Variants in FBXL19 observed in about 807,000 individuals in gnomAD.
FBXL19 encodes the protein F-box/LRR-repeat protein 19.
FBXL19 carries 16 observed loss-of-function variants against 71.2 expected under a neutral mutation model. The ratio of observed to expected loss-of-function variants is 0.22; its 90% confidence interval spans 0.15 to 0.34. The LOEUF is 0.34. Among genes scored for constraint, FBXL19 ranks in the 10% least tolerant of loss-of-function variants. The probability of loss-of-function intolerance (pLI) is 1.00; values close to 1 mark genes in which losing one functional copy is unlikely to be tolerated. For synonymous variants in FBXL19, 447 were observed against 409.4 expected, an observed-to-expected ratio of 1.09 and a Z score of -1.11; for missense variants, 658 against 968.2, an observed-to-expected ratio of 0.68 and a Z score of 4.25.
In FBXL19 at chr16:30,942,379, G is replaced by C. The variant is rs572211156; in HGVS notation, c.1470G>C (p.Leu490=). ...CTGACTGCCCCCTCTCCGCAGGCCT[G>C]CAGGAGCTGGTGCTCTCTGGCTGCT... ...LMWLLNRLQG[L]QELVLSGCSW... is the part of the protein sequence containing the mutation. The change falls in exon 9 of 11, where the codon CTG becomes CTC. Residue 490 remains leucine (L), a synonymous_variant. Transcript: ENST00000338343. The surrounding 1 kb of genome is among the most constrained non-coding windows in gnomAD (Gnocchi z 5.7). 1.1e-5 allele frequency: 17 copies of C among 1,609,648 alleles called. No individual in the cohort carries two copies. In the East Asian group the frequency reaches 3.1e-4, roughly 30 times the overall value.
At position 30,935,654 on chromosome 16, in the gene FBXL19, G is replaced by A. The variant is rs146540490; in HGVS notation, c.1301+5070G>A. On this transcript the variant is annotated intron_variant, in intron 7 of 10. Coordinates refer to ENST00000338343, the MANE Select transcript of FBXL19 (RefSeq NM_001382779.1). The stretch of plus-strand genomic sequence containing the variant: ...GGGGCCCAGAGAGCTACAAGAGGTC[G>A]GAACTGGCAGTGCTTGGAGCCCTAG... Among the ~76,000 whole-genome samples, 19 of 152,198 alleles carry A rather than the reference G, an allele frequency of 1.2e-4. No homozygotes were observed. In the South Asian group the frequency reaches 1.9e-3, roughly 15 times the overall value.
Position 30,930,688 on chromosome 16 carries a change from G to A in FBXL19, c.1301+104G>A. The A allele has an allele frequency of 1.6e-6, 2 of 1,244,246 alleles. No individual in the cohort carries two copies. Among genetic ancestry groups the A allele is most frequent in the Non-Finnish European group, 2.1e-6 (2 of 952,136 alleles). The allele number at this position is 1,244,246 out of a possible 1,614,324, so 77.1% of individuals were successfully genotyped here. On this transcript the variant is annotated intron_variant, in intron 7 of 10. Transcript: ENST00000338343. The surrounding 1 kb of genome is among the most constrained non-coding windows in gnomAD (Gnocchi z 8.5). ...CCTCTCTGGGCCTTGCTTTTATATTGGGGATACTTCTCTAGTATGCACAGA... is the reference window on the plus strand; with the variant it reads ...CCTCTCTGGGCCTTGCTTTTATATTAGGGATACTTCTCTAGTATGCACAGA...
In FBXL19 at chr16:30,923,763, T is replaced by A. The variant is rs2143294049; in HGVS notation, c.-721T>A. The stretch of plus-strand genomic sequence containing the variant: ...GAGGGGGATTTATTCAAATTTTATT[T>A]AAATCCCTATCTCCCGAGGGTCGCG... On this transcript the variant is annotated 5_prime_UTR_variant, in exon 1 of 11. Transcript: ENST00000338343. Among the ~76,000 whole-genome samples the A allele has an allele frequency of 7.1e-6, 1 of 141,028 alleles. No homozygotes were observed. Among genetic ancestry groups the A allele is most frequent in the Non-Finnish European group, 1.5e-5 (1 of 65,442 alleles). The allele number at this position is 141,028 out of a possible 152,430, so 92.5% of individuals were successfully genotyped here.
Position 30,930,022 on chromosome 16 carries a change from G to T in FBXL19, c.790-51G>T. 1 of 1,567,730 alleles carries T rather than the reference G, an allele frequency of 6.4e-7. No individual in the cohort carries two copies. Among genetic ancestry groups the T allele is most frequent in the Non-Finnish European group, 8.7e-7 (1 of 1,154,964 alleles). On this transcript the variant is annotated intron_variant, in intron 6 of 10. Transcript: ENST00000338343. This position sits in a 1 kb window ranked among gnomAD's most constrained non-coding sequence, Gnocchi z 8.5. ...TGGTGACTCCTCGGGGTAGGGGGGTGGGAAAATGTATCCCAGGCCCTAGAA... is the reference window on the plus strand; with the variant it reads ...TGGTGACTCCTCGGGGTAGGGGGGTTGGAAAATGTATCCCAGGCCCTAGAA...
intron 7 of FBXL19, among the ~76,000 whole-genome samples, chr16:30,939,712 C>T (rs2055780950): frequency 6.6e-6 from 1 of 152,014 alleles, no homozygotes; most frequent in Non-Finnish European, 1.5e-5. Context: ...GCCACCGCGC[C>T]CGGCAACAAT....
chr16:30,942,054 G>T lies in FBXL19; in HGVS notation c.1302-62G>T. On this transcript the variant is annotated intron_variant, in intron 7 of 10. Coordinates refer to ENST00000338343, the MANE Select transcript of FBXL19 (RefSeq NM_001382779.1). This position sits in a 1 kb window ranked among gnomAD's most constrained non-coding sequence, Gnocchi z 5.7. ...GTGCACCCTTGGAGCTGGGGAGCCTGGGAACTGTGGGCTGCTGAGAGCTGA... is the reference window on the plus strand; with the variant it reads ...GTGCACCCTTGGAGCTGGGGAGCCTTGGAACTGTGGGCTGCTGAGAGCTGA... The T allele has an allele frequency of 6.9e-7, 1 of 1,454,880 alleles. No individual in the cohort carries two copies. The highest frequency in any genetic ancestry group is 2.2e-4 in the Middle Eastern group (1 of 4,492). The allele number at this position is 1,454,880 out of a possible 1,614,324, so 90.1% of individuals were successfully genotyped here. A position where few individuals can be genotyped will look rare whatever the true frequency, so the allele number is the denominator to read the frequency against.
chr16:30,930,809 C>G lies in FBXL19; in HGVS notation c.1301+225C>G, dbSNP rs2055664497. 6.6e-6 allele frequency among the ~76,000 whole-genome samples: 1 copy of G among 152,172 alleles called. No homozygotes were observed. Among genetic ancestry groups the G allele is most frequent in the South Asian group, 2.1e-4 (1 of 4,832 alleles). On this transcript the variant is annotated intron_variant, in intron 7 of 10. Coordinates refer to ENST00000338343, the MANE Select transcript of FBXL19 (RefSeq NM_001382779.1). This position sits in a 1 kb window ranked among gnomAD's most constrained non-coding sequence, Gnocchi z 8.5. Reference sequence around the variant, plus strand: ...ACAACTTTGAGGTAGAGGTTATTTTCCCCTTTTTCAGATGAAGCTGAGGCC... The same window carrying G: ...ACAACTTTGAGGTAGAGGTTATTTTGCCCTTTTTCAGATGAAGCTGAGGCC...
At chr16:30,923,301 C>G (rs1464091678), upstream of FBXL19, 4 of 434,516 alleles carry the variant, frequency 9.2e-6, no homozygotes, top group South Asian at 3.2e-5. Context: ...CAACGGGACT[C>G]TAACTCCCGG....
At chr16:30,943,567 G>T (rs2055825673) in intron 9 of FBXL19, among the ~76,000 whole-genome samples, 1 of 151,786 alleles carries the variant, frequency 6.6e-6, no homozygotes, top group African/African-American at 2.4e-5. Flanking sequence ...GTAGAGACGG[G>T]GTTTCACTGT....
Position 30,927,925 on chromosome 16 carries a change from A to T in FBXL19, c.589A>T (p.Arg197Trp). 1 of 1,541,646 alleles carries T rather than the reference A, an allele frequency of 6.5e-7. No homozygotes were observed. Among genetic ancestry groups the T allele is most frequent in the Admixed American group, 2.3e-5 (1 of 44,284 alleles). Residue 197 changes from arginine to tryptophan, a missense_variant, in exon 5 of 11, where the codon AGG becomes TGG. By Grantham distance (101) the Arg-to-Trp change is moderately radical. Coordinates refer to ENST00000338343, the MANE Select transcript of FBXL19 (RefSeq NM_001382779.1). The part of the protein sequence containing the change: ...DVPGPPKRKE[R>W]EAGNEPPTPR... ...GCCTGGGCCCCCCAAACGAAAGGAA[A>T]GGGAGGCAGGGAATGAGCCTCCCAC...
At chr16:30,931,243 C>T (rs1353447025) in intron 7 of FBXL19, among the ~76,000 whole-genome samples, 1 of 152,084 alleles carries the variant, frequency 6.6e-6, no homozygotes, top group East Asian at 1.9e-4. Context: ...AATTCCTCCT[C>T]CTCTCTATGA....
At chr16:30,945,680 A>G (rs1208817669) in intron 9 of FBXL19, among the ~76,000 whole-genome samples, 1 of 148,480 alleles carries the variant, frequency 6.7e-6, no homozygotes, top group South Asian at 2.1e-4. Flanking sequence ...AAAAAAAAAA[A>G]GTAAACTCTG....
At chr16:30,933,157 C>T (rs1475898654) in intron 7 of FBXL19, among the ~76,000 whole-genome samples, 1 of 151,626 alleles carries the variant, frequency 6.6e-6, no homozygotes, top group Non-Finnish European at 1.5e-5. Context: ...TACGGTACCA[C>T]GCCTGCCTAA....
In FBXL19 at chr16:30,925,256, A is replaced by G. The variant is rs2055577640; in HGVS notation, c.-24-475A>G. ...GGGGCGGGGGGGAGGAAAAGTCCGG[A>G]GCTTCCGTCTAGGAATCTCTGGGTA... On this transcript the variant is annotated intron_variant, in intron 1 of 10. Transcript: ENST00000338343. The surrounding 1 kb of genome is among the most constrained non-coding windows in gnomAD (Gnocchi z 5.0). Among the ~76,000 whole-genome samples the G allele has an allele frequency of 6.6e-6, 1 of 151,654 alleles. No homozygotes were observed. The highest frequency in any genetic ancestry group is 1.5e-5 in the Non-Finnish European group (1 of 67,886).
rs1301704129 is a variant in FBXL19 at position 30,947,061 on chromosome 16, G to A, written c.1856G>A (p.Arg619His). The change falls in exon 11 of 11, where the codon CGC becomes CAC. Residue 619 changes from arginine (R) to histidine (H), a missense_variant. Arg to His is a conservative substitution (Grantham distance 29). Transcript: ENST00000338343. ...LVHLNLAGCH[R>H]LTDHCLPLFR... Reference sequence around the variant, plus strand: ...ACTGCCCCATCCCCAGGTTGCCACCGCCTAACGGACCACTGCCTCCCGCTG... The same window carrying A: ...ACTGCCCCATCCCCAGGTTGCCACCACCTAACGGACCACTGCCTCCCGCTG... 1 of 1,593,118 alleles carries A rather than the reference G, an allele frequency of 6.3e-7. No individual in the cohort carries two copies. Among genetic ancestry groups the A allele is most frequent in the Non-Finnish European group, 8.5e-7 (1 of 1,173,686 alleles).
chr16:30,934,132 A>G lies in FBXL19; in HGVS notation c.1301+3548A>G, dbSNP rs560605545. ...GTAATCACAGCACTTCGGGAGCCCA[A>G]GACGGGCGGATCACTTGTCAGGAGT... On this transcript the variant is annotated intron_variant, in intron 7 of 10. Transcript: ENST00000338343. Among the ~76,000 whole-genome samples, 4 of 151,642 alleles carry G rather than the reference A, an allele frequency of 2.6e-5. No homozygotes were observed. In the South Asian group the frequency reaches 6.4e-4, roughly 24 times the overall value.
intron 6 of FBXL19, among the ~76,000 whole-genome samples, chr16:30,929,504 C>T (rs1567338416): frequency 2.0e-5 from 3 of 152,320 alleles, no homozygotes; most frequent in African/African-American, 4.8e-5. Flanking sequence ...TCTCCATTCC[C>T]TACTGCTTTT....
At chr16:30,928,972 T>C (rs966172041) in intron 6 of FBXL19, among the ~76,000 whole-genome samples, 1 of 152,184 alleles carries the variant, frequency 6.6e-6, no homozygotes, top group Non-Finnish European at 1.5e-5. Context: ...TCTTTATCCA[T>C]GTAGTGGAGA....
Position 30,930,294 on chromosome 16 carries a change from C to T in FBXL19, c.1011C>T (p.Ala337=), listed in dbSNP as rs1238124573. 11 of 1,611,530 alleles carry T rather than the reference C, an allele frequency of 6.8e-6. No homozygotes were observed. Among genetic ancestry groups the T allele is most frequent in the Non-Finnish European group, 8.5e-6 (10 of 1,179,126 alleles). ...PGEARNGRRP[A]RGSSGEKENR... ...AGGCCCGGAATGGGCGACGGCCAGCCCGGGGCAGCTCTGGCGAGAAGGAGA... is the reference window on the plus strand; with the variant it reads ...AGGCCCGGAATGGGCGACGGCCAGCTCGGGGCAGCTCTGGCGAGAAGGAGA... Residue 337 remains alanine, a synonymous_variant, in exon 7 of 11, where the codon GCC becomes GCT. Transcript: ENST00000338343. The surrounding 1 kb of genome is among the most constrained non-coding windows in gnomAD (Gnocchi z 8.5).
Sources: allele counts gnomAD v4.1 joint callset (sites outside exome capture counted in the v4.1 genomes callset), GRCh38; gene constraint gnomAD v4.1.1; non-coding constraint Gnocchi (gnomAD v3.1); transcripts MANE v1.5; gene names NCBI Gene and HGNC (gene_info 2026-07-23, HGNC 2026-07-21).